The following CADM2 variants were observed in gnomAD, a reference collection of about 807,000 sequenced individuals.
CADM2 encodes cell adhesion molecule 2.
CADM2 carries 12 observed loss-of-function variants against 49.8 expected under a neutral mutation model. The ratio of observed to expected loss-of-function variants is 0.24; its 90% CI spans 0.15 to 0.39. The LOEUF (loss-of-function observed/expected upper bound fraction) is 0.39, where lower values mean the gene tolerates loss of function less well. Ranked by LOEUF, CADM2 falls within the 10% of genes least tolerant of loss-of-function variation. CADM2 has a pLI of 1.00. For synonymous variants in CADM2, 214 were observed against 175.4 expected (o/e 1.22, Z -1.74); for missense variants, 378 against 492.3 (o/e 0.77, Z 2.20).
intron 3 of CADM2, among the ~76,000 whole-genome samples, chr3:85,877,950 G>GTT (rs1306912201): frequency 1.3e-5 from 2 of 151,886 alleles, no homozygotes; most frequent in Non-Finnish European, 2.9e-5. Context: ...TCTTTGGACT[G>GTT]TTAAATGTTT....
intron 1 of CADM2, among the ~76,000 whole-genome samples, chr3:85,687,939 T>C (rs1354785490): frequency 1.3e-5 from 2 of 152,188 alleles, no homozygotes; most frequent in Admixed American, 1.3e-4. Flanking sequence ...TGGGTTCTCA[T>C]AGGAGCACAA....
chr3:85,916,237 T>C (rs1318587226), intron 6 of CADM2, among the ~76,000 whole-genome samples: 1 of 152,126 alleles, frequency 6.6e-6, no homozygotes, highest in African/African-American at 2.4e-5. Flanking sequence ...TAGTTACATA[T>C]GTATACATGT....
chr3:85,369,323 T>C (rs1237950607), intron 1 of CADM2, among the ~76,000 whole-genome samples: 1 of 152,206 alleles, frequency 6.6e-6, no homozygotes, highest in Non-Finnish European at 1.5e-5. Context: ...ACTACATATA[T>C]GATGGTGGTC....
chr3:85,659,921 C>T (rs1443227411), intron 1 of CADM2, among the ~76,000 whole-genome samples: 3 of 152,088 alleles, frequency 2.0e-5, no homozygotes, highest in African/African-American at 7.2e-5. Flanking sequence ...CAGCGCAAGA[C>T]TTCAATTTAA....
At chr3:85,104,729 A>G (rs1456235871) in intron 1 of CADM2, among the ~76,000 whole-genome samples, 1 of 151,970 alleles carries the variant, frequency 6.6e-6, no homozygotes, top group Non-Finnish European at 1.5e-5. Context: ...ATTTGTTTGT[A>G]TCGTCTTTTA....
chr3:85,448,332 CAAAAAAAAA>C (rs57338759), intron 1 of CADM2, among the ~76,000 whole-genome samples: 4 of 129,040 alleles, frequency 3.1e-5, no homozygotes, highest in East Asian at 2.3e-4. Context: ...GATTCCGTCT[CAAAAAAAAA>C]AAAAAAAAAA....
chr3:86,016,925 T>A (rs1732323567), intron 8 of CADM2, among the ~76,000 whole-genome samples: 1 of 152,048 alleles, frequency 6.6e-6, no homozygotes, highest in African/African-American at 2.4e-5. Flanking sequence ...CTTTCACTGA[T>A]TTTTTTAAAA....
At chr3:85,771,504 C>T (rs182773164) in intron 2 of CADM2, among the ~76,000 whole-genome samples, 133 of 152,150 alleles carry the variant, frequency 8.7e-4, no homozygotes, top group Admixed American at 3.7e-3. Flanking sequence ...ATTATTCGTA[C>T]TATACTTAAT....
chr3:85,157,057 A>G (rs1338553867), intron 1 of CADM2, among the ~76,000 whole-genome samples: 1 of 152,120 alleles, frequency 6.6e-6, no homozygotes, highest in African/African-American at 2.4e-5. Context: ...AGACAAACAG[A>G]GAGCCAAATC....
intron 3 of CADM2, among the ~76,000 whole-genome samples, chr3:85,879,480 T>G (rs542807106): frequency 6.6e-6 from 1 of 152,236 alleles, no homozygotes; most frequent in Non-Finnish European, 1.5e-5. Flanking sequence ...ATTTAGAATT[T>G]TCCCAAAGGC....
Position 85,838,797 on chromosome 3 carries a change from T to C in CADM2, c.238+36601T>C, listed in dbSNP as rs115539610. Among the ~76,000 whole-genome samples, 648 of 151,826 alleles carry C rather than the reference T, an allele frequency of 4.3e-3. 3 individuals are homozygous for C. The highest frequency in any genetic ancestry group is 0.014 in the African/African-American group (598 of 41,432). On this transcript the variant is annotated intron_variant, in intron 3 of 9. Coordinates refer to ENST00000383699, the MANE Select transcript of CADM2 (RefSeq NM_001167675.2). The stretch of plus-strand genomic sequence containing the variant: ...GATTTTATTTACCCAGTTACAATAA[T>C]AGAATGGGGAGGGAATTATGAAAGT...
intron 1 of CADM2, among the ~76,000 whole-genome samples, chr3:85,507,953 C>T (rs1027944336): frequency 6.6e-6 from 1 of 152,020 alleles, no homozygotes; most frequent in Non-Finnish European, 1.5e-5. Flanking sequence ...ATGAATTTTG[C>T]CTTGGATATG....
chr3:85,151,286 C>G (rs1276080766), intron 1 of CADM2, among the ~76,000 whole-genome samples: 1 of 151,976 alleles, frequency 6.6e-6, no homozygotes, highest in Non-Finnish European at 1.5e-5. Context: ...CTGAGAAACT[C>G]TTCCTCTTAA....
intron 1 of CADM2, among the ~76,000 whole-genome samples, chr3:85,244,949 T>A (rs1242829574): frequency 6.6e-6 from 1 of 152,196 alleles, no homozygotes; most frequent in African/African-American, 2.4e-5. Context: ...TATTTCCCTA[T>A]TATTTTATCT....
chr3:85,337,749 G>A (rs998467675), intron 1 of CADM2, among the ~76,000 whole-genome samples: 1 of 151,348 alleles, frequency 6.6e-6, no homozygotes, highest in South Asian at 2.1e-4. Flanking sequence ...TGGATTTTGG[G>A]TATGCAGACC....
chr3:85,174,529 T>C (rs1322263496), intron 1 of CADM2, among the ~76,000 whole-genome samples: 5 of 150,732 alleles, frequency 3.3e-5, no homozygotes, highest in Non-Finnish European at 5.9e-5. Flanking sequence ...TATATATATA[T>C]ACACATATAT....
intron 1 of CADM2, among the ~76,000 whole-genome samples, chr3:85,376,366 A>G (rs185062498): frequency 1.3e-4 from 20 of 152,232 alleles, no homozygotes; most frequent in Admixed American, 5.9e-4. Flanking sequence ...AGAGTTAACT[A>G]ATAGGTTGAT....
In CADM2 at chr3:85,574,482, A is replaced by G. The variant is rs534808836; in HGVS notation, c.62-152040A>G. On this transcript the variant is annotated intron_variant, in intron 1 of 9. Coordinates refer to ENST00000383699, the MANE Select transcript of CADM2 (RefSeq NM_001167675.2). ...CAGTGTTCCAATTCTGTAAAATGAT[A>G]CATAGGCCCAAGAATGTCTTCCTGT... Among the ~76,000 whole-genome samples the G allele has an allele frequency of 6.4e-4, 98 of 152,270 alleles. 2 individuals are homozygous for G. The South Asian group carries it at 0.02, about 31-fold the overall frequency.
chr3:85,312,358 T>C (rs2044365557), intron 1 of CADM2, among the ~76,000 whole-genome samples: 1 of 152,170 alleles, frequency 6.6e-6, no homozygotes, highest in Admixed American at 6.5e-5. Flanking sequence ...GTGGTTGAGA[T>C]AGGATGACAA....
Sources: allele counts gnomAD v4.1 joint callset (sites outside exome capture counted in the v4.1 genomes callset), GRCh38; gene constraint gnomAD v4.1.1; transcripts MANE v1.5; gene names NCBI Gene and HGNC (gene_info 2026-07-23, HGNC 2026-07-21).